Variants in SLC25A48 observed in about 807,000 individuals in gnomAD.
SLC25A48 encodes solute carrier family 25 member 48, also known as CTC-321K16.1.
Under a neutral mutation model 32.2 loss-of-function variants are expected in SLC25A48, and 29 were observed. The observed-to-expected ratio is 0.90, with a 90% CI of 0.67 to 1.23. The LOEUF (loss-of-function observed/expected upper bound fraction) is 1.23. Ranked by LOEUF, SLC25A48 falls within the 50% of genes most tolerant of loss-of-function variation. SLC25A48 has a pLI of 0.00. For missense variants in SLC25A48, 399 were observed against 422.7 expected, an observed-to-expected ratio of 0.94 and a Z score of 0.49; for synonymous variants, 164 against 172.3, an observed-to-expected ratio of 0.95 and a Z score of 0.38.
At chr5:135,723,413 C>T (rs922086295) in intron 3 of SLC25A48, among the ~76,000 whole-genome samples, 1 of 146,480 alleles carries the variant, frequency 6.8e-6, no homozygotes, top group African/African-American at 2.5e-5. Flanking sequence ...CACACACACA[C>T]AATGGGGAGG....
At chr5:135,622,206 G>A (rs576793581) in intron 1 of SLC25A48, among the ~76,000 whole-genome samples, 1 of 152,278 alleles carries the variant, frequency 6.6e-6, no homozygotes, top group South Asian at 2.1e-4. Flanking sequence ...GAGTGAAGTG[G>A]GCACTTTGAT....
chr5:135,813,575 T>C (rs1757641287), intron 4 of SLC25A48, among the ~76,000 whole-genome samples: 2 of 152,226 alleles, frequency 1.3e-5, no homozygotes, highest in African/African-American at 2.4e-5. Context: ...GGATCTATTA[T>C]ATACAGCCAT....
intron 3 of SLC25A48, among the ~76,000 whole-genome samples, chr5:135,729,744 A>G (rs924014116): frequency 2.0e-5 from 3 of 152,204 alleles, no homozygotes; most frequent in Non-Finnish European, 4.4e-5. Context: ...GAGAGTTCTG[A>G]GGGAACCACA....
rs184303323 is a variant in SLC25A48, at chr5:135,626,758, C to G, written c.-848-2479C>G. 4.1e-3 allele frequency among the ~76,000 whole-genome samples: 628 copies of G among 152,218 alleles called. 1 individual carries two copies. The highest frequency in any genetic ancestry group is 6.2e-3 in the Non-Finnish European group (422 of 68,024). On this transcript the variant is annotated intron_variant, in intron 1 of 10. Coordinates refer to the SLC25A48 transcript ENST00000646290. ...TCCTGAGAGAGCTGGCTTTATGGGC[C>G]CATTGGAATGTAGGGGGTGGGGTGT...
chr5:135,852,570 G>T lies in SLC25A48; in HGVS notation c.170G>T (p.Gly57Val). Residue 57 changes from glycine to valine, a missense_variant, in exon 4 of 8, where the codon GGC (glycine) becomes GTC (valine). Coordinates refer to ENST00000681962, the MANE Select transcript of SLC25A48 (RefSeq NM_001349336.2). ...TTCTGGTTTTCACTGCAGATGTTCG[G>T]CTTCTTCAAGGGCATGTCCTTCCCC... Reference protein sequence around the residue: ...RVVYRRESMFGFFKGMSFPLA... With the variant: ...RVVYRRESMFVFFKGMSFPLA... 1.3e-6 allele frequency: 2 copies of T among 1,592,224 alleles called. No homozygotes were observed. Among genetic ancestry groups the T allele is most frequent in the East Asian group, 2.3e-5 (1 of 44,280 alleles).
At chr5:135,623,909 C>T (rs577203319) in intron 1 of SLC25A48, among the ~76,000 whole-genome samples, 10 of 152,180 alleles carry the variant, frequency 6.6e-5, no homozygotes, top group Non-Finnish European at 1.0e-4. Flanking sequence ...TCTGTCCCCC[C>T]GGGTACCTCA....
intron 3 of SLC25A48, among the ~76,000 whole-genome samples, chr5:135,812,214 C>T (rs1337153557): frequency 6.6e-6 from 1 of 151,998 alleles, no homozygotes; most frequent in African/African-American, 2.4e-5. Context: ...TTATGGGGTA[C>T]ATGAGATATT....
chr5:135,861,021 T>C (rs757103626), intron 4 of SLC25A48, among the ~76,000 whole-genome samples: 1 of 152,168 alleles, frequency 6.6e-6, no homozygotes, highest in Non-Finnish European at 1.5e-5. Flanking sequence ...TTAGTGGTGA[T>C]CCATGGTTAA....
intron 1 of SLC25A48, among the ~76,000 whole-genome samples, chr5:135,841,889 T>C (rs1245467697): frequency 6.6e-6 from 1 of 152,166 alleles, no homozygotes; most frequent in Non-Finnish European, 1.5e-5. Context: ...GGCAGGTCAG[T>C]TCAGCCTTTC....
Position 135,842,425 on chromosome 5 carries a change from G to T in SLC25A48, c.56G>T (p.Ser19Ile), listed in dbSNP as rs200057467. The part of the protein sequence containing the change: ...FAAGWIGGAA[S>I]VIVGHPLDTV... ...CTTTTTTGATCCACAGGTGCAGCCA[G>T]TGTCATCGTTGGCCACCCTCTGGAC... The change falls in exon 2 of 8, where the codon AGT (serine) becomes ATT (isoleucine). Residue 19 changes from serine (S) to isoleucine (I), a missense_variant. Ser to Ile is a moderately radical substitution (Grantham distance 142). Transcript: ENST00000681962. The T allele has an allele frequency of 1.2e-6, 2 of 1,613,800 alleles. No individual in the cohort carries two copies. The highest frequency in any genetic ancestry group is 1.7e-6 in the Non-Finnish European group (2 of 1,179,820).
chr5:135,882,283 A>G (rs912359069), intron 7 of SLC25A48, among the ~76,000 whole-genome samples: 1 of 152,216 alleles, frequency 6.6e-6, no homozygotes, highest in African/African-American at 2.4e-5. Context: ...TTCCTGCTCT[A>G]ACCCCCAAAT....
chr5:135,754,580 C>T (rs1755850182), intron 3 of SLC25A48, among the ~76,000 whole-genome samples: 1 of 151,496 alleles, frequency 6.6e-6, no homozygotes, highest in African/African-American at 2.4e-5. Flanking sequence ...AATGAAATAT[C>T]ACTATGATGT....
chr5:135,589,143 C>A (rs1351128087), intron 1 of SLC25A48, among the ~76,000 whole-genome samples: 1 of 152,338 alleles, frequency 6.6e-6, no homozygotes, highest in Non-Finnish European at 1.5e-5. Flanking sequence ...CACACTGTTT[C>A]ATAAACGCTG....
At position 135,757,375 on chromosome 5, in the gene SLC25A48, C is replaced by A. The variant is rs572745866; in HGVS notation, c.-520-55148C>A. ...ACACACAATAATATTAATAAAATAT[C>A]ATCTATATGACATTTATAATGTCTA... On this transcript the variant is annotated intron_variant, in intron 3 of 10. Transcript: ENST00000646290. Among the ~76,000 whole-genome samples the A allele has an allele frequency of 2.3e-3, 338 of 149,350 alleles. 1 individual carries two copies. The highest frequency in any genetic ancestry group is 3.8e-3 in the Non-Finnish European group (256 of 67,274).
intron 3 of SLC25A48, among the ~76,000 whole-genome samples, chr5:135,793,830 C>T (rs1454186843): frequency 6.6e-6 from 1 of 151,596 alleles, no homozygotes; most frequent in Non-Finnish European, 1.5e-5. Context: ...CATGTGTGTA[C>T]ACTCTGGGAT....
intron 3 of SLC25A48, among the ~76,000 whole-genome samples, chr5:135,660,114 CT>C (rs1421950010): frequency 6.6e-6 from 1 of 152,150 alleles, no homozygotes; most frequent in African/African-American, 2.4e-5. Flanking sequence ...GGGTTCTAAG[CT>C]TGGAATTTTC....
intron 3 of SLC25A48, among the ~76,000 whole-genome samples, chr5:135,719,001 G>A (rs970595758): frequency 5.3e-5 from 8 of 152,182 alleles, no homozygotes; most frequent in Admixed American, 4.6e-4. Flanking sequence ...TTTGAAGATC[G>A]GTGGATTGCA....
intron 4 of SLC25A48, among the ~76,000 whole-genome samples, chr5:135,857,290 T>C (rs1172293387): frequency 1.3e-5 from 2 of 152,128 alleles, no homozygotes; most frequent in Admixed American, 6.5e-5. Context: ...CTAGAAGCAT[T>C]TGGAGACTAG....
At chr5:135,834,650 G>A, upstream of SLC25A48, 1 of 593,704 alleles carries the variant, frequency 1.7e-6, no homozygotes, top group East Asian at 3.0e-5. Context: ...CGTGATGTCA[G>A]CCGCCCTCCG....
Sources: allele counts gnomAD v4.1 joint callset (sites outside exome capture counted in the v4.1 genomes callset), GRCh38; gene constraint gnomAD v4.1.1; transcripts MANE v1.5; gene names NCBI Gene and HGNC (gene_info 2026-07-23, HGNC 2026-07-21).